The following AXDND1 variants were observed in gnomAD, a reference collection of about 807,000 sequenced individuals.
The protein encoded by AXDND1 is axonemal dynein light chain domain containing 1.
A neutral mutation model predicts 137.5 loss-of-function variants in AXDND1; 110 were observed. That is an observed-to-expected ratio of 0.80 (90% CI 0.69 to 0.94). The LOEUF (loss-of-function observed/expected upper bound fraction) is 0.94, where lower values mean the gene tolerates loss of function less well. Ranked by LOEUF, AXDND1 falls within the 40% of genes least tolerant of loss-of-function variation. The probability of loss-of-function intolerance (pLI) is 0.00; values close to 1 mark genes in which losing one functional copy is unlikely to be tolerated. For missense variants in AXDND1, 1,191 were observed against 1,169.8 expected, an observed-to-expected ratio of 1.02 and a Z score of -0.26; for synonymous variants, 414 against 399.7, an observed-to-expected ratio of 1.04 and a Z score of -0.43.
intron 21 of AXDND1, among the ~76,000 whole-genome samples, chr1:179,523,572 C>G (rs570026414): frequency 6.6e-6 from 1 of 152,086 alleles, no homozygotes; most frequent in African/African-American, 2.4e-5. Context: ...AAACACCACA[C>G]GGTTTCTGGC....
intron 25 of AXDND1, chr1:179,544,140 A>G (rs1414360806): frequency 6.6e-6 from 1 of 152,492 alleles, no homozygotes; most frequent in Non-Finnish European, 1.5e-5. Context: ...TAGAAAAGCC[A>G]TAACCTACAA....
chr1:179,372,512 A>G (rs1668134280), intron 4 of AXDND1, among the ~76,000 whole-genome samples: 1 of 152,226 alleles, frequency 6.6e-6, no homozygotes, highest in Non-Finnish European at 1.5e-5. Flanking sequence ...AACGAGTTGG[A>G]GAATTTCTTA....
At chr1:179,375,497 A>G (rs1444975962) in intron 4 of AXDND1, among the ~76,000 whole-genome samples, 1 of 141,266 alleles carries the variant, frequency 7.1e-6, no homozygotes, top group Admixed American at 7.1e-5. Flanking sequence ...TATAATGTAT[A>G]ACATATAATG....
At chr1:179,445,882 C>T (rs1310858273) in intron 16 of AXDND1, among the ~76,000 whole-genome samples, 2 of 152,126 alleles carry the variant, frequency 1.3e-5, no homozygotes, top group Non-Finnish European at 2.9e-5. Context: ...AATTCTTGGT[C>T]ATTTGATAAC....
At chr1:179,551,181 T>G in intron 25 of AXDND1, 1 of 1,613,962 alleles carries the variant, frequency 6.2e-7, no homozygotes, top group Non-Finnish European at 8.5e-7. Context: ...TCCTATAACA[T>G]GGGAGAGTCT....
intron 14 of AXDND1, among the ~76,000 whole-genome samples, chr1:179,431,493 G>A (rs1558168754): frequency 1.3e-5 from 2 of 151,324 alleles, no homozygotes. Flanking sequence ...TGTTGTTGTT[G>A]TGTTGTTGTT....
At chr1:179,541,295 C>T (rs1387732090) in intron 25 of AXDND1, among the ~76,000 whole-genome samples, 3 of 152,112 alleles carry the variant, frequency 2.0e-5, no homozygotes, top group South Asian at 2.1e-4. Flanking sequence ...CTGGATGAGG[C>T]GACGCCCTGC....
At chr1:179,403,919 A>C (rs1652514992) in intron 11 of AXDND1, among the ~76,000 whole-genome samples, 1 of 152,148 alleles carries the variant, frequency 6.6e-6, no homozygotes, top group African/African-American at 2.4e-5. Context: ...CTGCAATAGC[A>C]GCAGAAGGTG....
intron 17 of AXDND1, among the ~76,000 whole-genome samples, chr1:179,473,464 C>T (rs1345224309): frequency 6.6e-6 from 1 of 152,112 alleles, no homozygotes; most frequent in Non-Finnish European, 1.5e-5. Flanking sequence ...CGCCATTGCA[C>T]TCCAGCCTGA....
intron 12 of AXDND1, among the ~76,000 whole-genome samples, chr1:179,426,126 C>T (rs776543132): frequency 3.9e-5 from 6 of 152,030 alleles, no homozygotes; most frequent in Non-Finnish European, 7.4e-5. Context: ...TGAGCCACTG[C>T]GCCTGGCCAA....
chr1:179,520,552 A>G (rs1284060646), intron 21 of AXDND1, among the ~76,000 whole-genome samples: 1 of 152,092 alleles, frequency 6.6e-6, no homozygotes, highest in African/African-American at 2.4e-5. Flanking sequence ...AGCTGGGACT[A>G]TGGCATGCAC....
rs1416015936 is a variant in AXDND1 at position 179,395,160 on chromosome 1, A to G, written c.1067A>G (p.Lys356Arg). 7 of 1,613,574 alleles carry G rather than the reference A, an allele frequency of 4.3e-6. No individual in the cohort carries two copies. Among genetic ancestry groups the G allele is most frequent in the Non-Finnish European group, 4.2e-6 (5 of 1,179,804 alleles). The change falls in exon 11 of 26, where the codon AAG becomes AGG. Residue 356 changes from lysine to arginine, a missense_variant. Transcript: ENST00000367618. ...ACAAAGGAAACAGAAAAAGCCCACA[A>G]GGATTTGGCACAAGCTCTTTTAAAT... ...KLTKETEKAH[K>R]DLAQALLNAE... is the part of the protein sequence containing the mutation.
intron 17 of AXDND1, among the ~76,000 whole-genome samples, chr1:179,470,096 T>C (rs945986795): frequency 6.6e-6 from 1 of 152,224 alleles, no homozygotes; most frequent in African/African-American, 2.4e-5. Context: ...CTCCACTTAA[T>C]GGTATTGACA....
Position 179,368,889 on chromosome 1 carries a change from G to T in AXDND1, c.187G>T (p.Val63Phe). 2.5e-6 allele frequency: 4 copies of T among 1,613,890 alleles called. No homozygotes were observed. Among genetic ancestry groups the T allele is most frequent in the Non-Finnish European group, 3.4e-6 (4 of 1,179,816 alleles). ...SLQNEFIPKE[V>F]LLSLTYAANA... ...TCAGAATGAGTTCATTCCCAAAGAA[G>T]TTCTTCTTTCTCTGACCTATGCGGC... is the stretch of plus-strand genomic sequence containing the variant. Residue 63 changes from valine to phenylalanine, a missense_variant, in exon 3 of 26, where the codon GTT (valine) becomes TTT (phenylalanine). Coordinates refer to ENST00000367618, the MANE Select transcript of AXDND1 (RefSeq NM_144696.6).
intron 12 of AXDND1, among the ~76,000 whole-genome samples, chr1:179,428,679 C>T (rs909654029): frequency 5.3e-5 from 8 of 152,158 alleles, no homozygotes; most frequent in Admixed American, 3.9e-4. Context: ...AGCTACATGA[C>T]GTGATATATT....
chr1:179,460,145 A>T (rs1662108588), intron 16 of AXDND1, among the ~76,000 whole-genome samples: 1 of 151,742 alleles, frequency 6.6e-6, no homozygotes, highest in Non-Finnish European at 1.5e-5. Context: ...TGCACCCATT[A>T]ACTCATCATT....
Position 179,366,604 on chromosome 1 carries a change from G to A in AXDND1, c.95G>A (p.Arg32Lys), listed in dbSNP as rs779612869. Reference protein sequence around the residue: ...LKVSVAKEGTRGLPELKEKKN... With the variant: ...LKVSVAKEGTKGLPELKEKKN... ...GTGTCTGTAGCCAAGGAAGGGACAA[G>A]AGGTAAACTTCGTTGATTCTGAAGT... The change falls in exon 2 of 26, where the codon AGA becomes AAA. Residue 32 changes from arginine (R) to lysine (K), a missense_variant and splice_region_variant. Arg to Lys is a conservative substitution (Grantham distance 26). Transcript: ENST00000367618. The A allele has an allele frequency of 6.2e-7, 1 of 1,605,236 alleles. No homozygotes were observed. The highest frequency in any genetic ancestry group is 8.5e-7 in the Non-Finnish European group (1 of 1,172,038).
intron 16 of AXDND1, chr1:179,455,095 CAA>C (rs60418416): frequency 8.3e-4 from 104 of 126,012 alleles, no homozygotes; most frequent in Middle Eastern, 3.8e-3. Context: ...GACTCCGTCT[CAA>C]AAAAAAAAAA....
chr1:179,459,568 G>C (rs947922459), intron 16 of AXDND1, among the ~76,000 whole-genome samples: 23 of 151,888 alleles, frequency 1.5e-4, no homozygotes, highest in African/African-American at 5.6e-4. Context: ...TCCTACGTTT[G>C]CATTTGCTTT....
Sources: allele counts gnomAD v4.1 joint callset (sites outside exome capture counted in the v4.1 genomes callset), GRCh38; gene constraint gnomAD v4.1.1; transcripts MANE v1.5; gene names NCBI Gene and HGNC (gene_info 2026-07-23, HGNC 2026-07-21).